The following BDP1 variants were observed in gnomAD, a reference collection of about 807,000 sequenced individuals.
BDP1 encodes the protein BDP1 general transcription factor IIIB subunit.
A neutral mutation model predicts 266.6 loss-of-function variants in BDP1; 169 were observed. That is an observed-to-expected ratio of 0.63 (90% CI 0.56 to 0.72). The LOEUF (loss-of-function observed/expected upper bound fraction) is 0.72, where lower values mean the gene tolerates loss of function less well. Ranked by LOEUF, BDP1 falls within the 30% of genes least tolerant of loss-of-function variation. The pLI is 0.00. For synonymous variants in BDP1, 1,090 were observed against 1,022.4 expected (o/e 1.07, Z -1.26); for missense variants, 3,015 against 3,053.8 (o/e 0.99, Z 0.30).
At chr5:71,531,009 G>A (rs890300998) in intron 25 of BDP1, among the ~76,000 whole-genome samples, 7 of 152,160 alleles carry the variant, frequency 4.6e-5, no homozygotes, top group Non-Finnish European at 1.0e-4. Flanking sequence ...GAGAGGTTGA[G>A]GCTGTAGTGA....
intron 7 of BDP1, among the ~76,000 whole-genome samples, chr5:71,476,853 G>A (rs368338465): frequency 6.6e-6 from 1 of 152,068 alleles, no homozygotes; most frequent in African/African-American, 2.4e-5. Flanking sequence ...ACAGGCGCCC[G>A]CCACCACGCC....
intron 25 of BDP1, among the ~76,000 whole-genome samples, chr5:71,525,676 C>T (rs1324643566): frequency 4.4e-5 from 4 of 91,186 alleles, no homozygotes; most frequent in African/African-American, 7.8e-5. Context: ...GGTGGCTGGC[C>T]GGGCGGGGGG....
chr5:71,555,207 T>G (rs1166931829), intron 35 of BDP1, among the ~76,000 whole-genome samples: 3 of 152,196 alleles, frequency 2.0e-5, no homozygotes, highest in African/African-American at 7.2e-5. Flanking sequence ...TGTTGCGAAT[T>G]TGATTTGGTG....
chr5:71,487,991 AAGT>A, intron 9 of BDP1, among the ~76,000 whole-genome samples: 1 of 152,260 alleles, frequency 6.6e-6, no homozygotes, highest in Non-Finnish European at 1.5e-5. Context: ...ATCTTTTAAA[AAGT>A]AGTATTGATA....
chr5:71,513,079 A>G, intron 18 of BDP1, 106 bp from the exon 19 acceptor site: 1 of 719,274 alleles, frequency 1.4e-6, no homozygotes, highest in Non-Finnish European at 2.2e-6. Flanking sequence ...AAAAAAAAAA[A>G]AAAAAAAAAT....
chr5:71,479,273 C>T (rs935826155), intron 7 of BDP1, among the ~76,000 whole-genome samples: 1 of 151,740 alleles, frequency 6.6e-6, no homozygotes, highest in Non-Finnish European at 1.5e-5. Flanking sequence ...GATCTCCTGA[C>T]CTAGTGATCC....
intron 9 of BDP1, 65 bp from the exon 10 acceptor site, chr5:71,489,339 T>C: frequency 1.6e-6 from 2 of 1,265,412 alleles, no homozygotes; most frequent in Non-Finnish European, 2.2e-6. Flanking sequence ...TTGAGTCTCT[T>C]TCCCACCTTT....
chr5:71,470,130 C>T (rs151292542), intron 6 of BDP1, among the ~76,000 whole-genome samples: 8 of 152,092 alleles, frequency 5.3e-5, no homozygotes, highest in East Asian at 1.9e-4. Flanking sequence ...CGTGAACCAC[C>T]GCGACCGGCC....
At chr5:71,493,116 C>G (rs1033940114) in intron 11 of BDP1, among the ~76,000 whole-genome samples, 1 of 152,184 alleles carries the variant, frequency 6.6e-6, no homozygotes, top group Non-Finnish European at 1.5e-5. Context: ...TCTGTCTAAT[C>G]TAGATATTCA....
At chr5:71,486,723 T>C (rs1045607398) in intron 9 of BDP1, 96 bp downstream of exon 9, 1 of 1,019,656 alleles carries the variant, frequency 9.8e-7, no homozygotes, top group African/African-American at 1.7e-5. Context: ...GTAGCTCAGG[T>C]AGTTAAGATC....
the BDP1 span, among the ~76,000 whole-genome samples, chr5:71,576,545 A>G: frequency 1.6e-4 from 24 of 152,152 alleles, no homozygotes; most frequent in African/African-American, 5.8e-4. Flanking sequence ...TGCTGACTAT[A>G]CAGAATGGAT....
At chr5:71,553,931 A>G (rs1405928884) in intron 35 of BDP1, among the ~76,000 whole-genome samples, 1 of 152,166 alleles carries the variant, frequency 6.6e-6, no homozygotes, top group Non-Finnish European at 1.5e-5. Context: ...AGACTTCTTT[A>G]GTTCAGTCAT....
chr5:71,484,964 G>A (rs1368803757), intron 8 of BDP1, among the ~76,000 whole-genome samples: 2 of 152,112 alleles, frequency 1.3e-5, no homozygotes, highest in Non-Finnish European at 2.9e-5. Context: ...TAGGGAAACT[G>A]CTTTGAGGAA....
In BDP1 at chr5:71,547,007, G is replaced by A. The variant is rs373204080; in HGVS notation, c.6745-1675G>A. Among the ~76,000 whole-genome samples the A allele has an allele frequency of 9.9e-5, 15 of 152,108 alleles. 1 individual carries two copies. The highest frequency in any genetic ancestry group is 3.6e-4 in the African/African-American group (15 of 41,492). ...ATTAAAGGTGTGTCCCACCACACCT[G>A]ACTAATTTTTTCGTATAATATTTTT... On this transcript the variant is annotated intron_variant, in intron 32 of 38. Transcript: ENST00000358731.
In BDP1 at chr5:71,524,439, C is replaced by G. The variant is rs369033597; in HGVS notation, c.5772+116C>G. Reference sequence around the variant, plus strand: ...ATTATTAGGATTTGAAGAGTTCATTCTCTAAATAACCTCTACCAAATATAA... The same window carrying G: ...ATTATTAGGATTTGAAGAGTTCATTGTCTAAATAACCTCTACCAAATATAA... On this transcript the variant is annotated intron_variant, in intron 25 of 38. Coordinates refer to ENST00000358731, the MANE Select transcript of BDP1 (RefSeq NM_018429.3). 1.7e-5 allele frequency: 19 copies of G among 1,112,360 alleles called. 1 individual carries two copies. In the African/African-American group the frequency reaches 3.0e-4, roughly 17 times the overall value. The allele number at this position is 1,112,360 out of a possible 1,614,324, so 68.9% of individuals were successfully genotyped here. A position where few individuals can be genotyped will look rare whatever the true frequency, so the allele number is the denominator to read the frequency against.
At chr5:71,464,923 T>C (rs770105495) in intron 4 of BDP1, among the ~76,000 whole-genome samples, 3 of 151,904 alleles carry the variant, frequency 2.0e-5, no homozygotes, top group Admixed American at 6.6e-5. Flanking sequence ...TTTACCACGT[T>C]GGTCAGGATG....
chr5:71,495,585 T>C (rs939961123), intron 12 of BDP1, among the ~76,000 whole-genome samples, 177 bp downstream of exon 12: 1 of 152,122 alleles, frequency 6.6e-6, no homozygotes, highest in Admixed American at 6.6e-5. Context: ...ACATCAGGTG[T>C]TTTACTTTAT....
chr5:71,549,627 T>A (rs1223456424), intron 34 of BDP1, 21 bp downstream of exon 34: 1 of 1,571,154 alleles, frequency 6.4e-7, no homozygotes, highest in Non-Finnish European at 8.6e-7. Context: ...AGTGAAACTG[T>A]TTTTGCTAGG....
intron 29 of BDP1, among the ~76,000 whole-genome samples, chr5:71,541,883 T>C (rs1766990262): frequency 6.6e-6 from 1 of 152,216 alleles, no homozygotes; most frequent in Admixed American, 6.5e-5. Flanking sequence ...TTTAATGAAA[T>C]AGATTTATGT....
Sources: allele counts gnomAD v4.1 joint callset (sites outside exome capture counted in the v4.1 genomes callset), GRCh38; gene constraint gnomAD v4.1.1; transcripts MANE v1.5; gene names NCBI Gene and HGNC (gene_info 2026-07-23, HGNC 2026-07-21).